Variants in KCNH8 observed in about 807,000 individuals in gnomAD.
The protein encoded by KCNH8 is voltage-gated delayed rectifier potassium channel KCNH8.
A neutral mutation model predicts 103.6 loss-of-function variants in KCNH8; 70 were observed. The ratio of observed to expected loss-of-function variants is 0.68; its 90% CI spans 0.56 to 0.82. The LOEUF is 0.82. KCNH8 is among the 40% of genes least tolerant of loss of function. The pLI, the probability that KCNH8 is intolerant of heterozygous loss-of-function variation, is 0.00. For synonymous variants in KCNH8, 498 were observed against 489.4 expected (o/e 1.02, Z -0.23); for missense variants, 1,217 against 1,329.9 (o/e 0.92, Z 1.32).
At chr3:19,422,669 T>C (rs1031816653) in intron 7 of KCNH8, among the ~76,000 whole-genome samples, 1 of 152,086 alleles carries the variant, frequency 6.6e-6, no homozygotes, top group African/African-American at 2.4e-5. Context: ...AGAAAGACAT[T>C]TTTTATCATT....
At chr3:19,386,879 CG>C (rs1483688805) in intron 5 of KCNH8, among the ~76,000 whole-genome samples, 1 of 152,060 alleles carries the variant, frequency 6.6e-6, no homozygotes, top group Non-Finnish European at 1.5e-5. Flanking sequence ...TCAGTGTTTG[CG>C]AAGTTCCACT....
At chr3:19,217,744 A>C (rs1316977701) in intron 1 of KCNH8, among the ~76,000 whole-genome samples, 4 of 152,146 alleles carry the variant, frequency 2.6e-5, no homozygotes, top group African/African-American at 9.7e-5. Context: ...ATCAGGCTAG[A>C]CCAATCTAGC....
At chr3:19,244,829 T>C (rs2064184238) in intron 1 of KCNH8, among the ~76,000 whole-genome samples, 1 of 152,104 alleles carries the variant, frequency 6.6e-6, no homozygotes, top group African/African-American at 2.4e-5. Flanking sequence ...TTTTTGTTTG[T>C]TGGTTTGTTG....
chr3:19,190,629 G>T (rs1213240239), intron 1 of KCNH8, among the ~76,000 whole-genome samples: 1 of 151,896 alleles, frequency 6.6e-6, no homozygotes, highest in Admixed American at 6.6e-5. Flanking sequence ...TTAGCTGCAT[G>T]GACAAGAAGC....
At chr3:19,321,202 G>A (rs1057187493) in intron 3 of KCNH8, among the ~76,000 whole-genome samples, 3 of 151,648 alleles carry the variant, frequency 2.0e-5, no homozygotes, top group African/African-American at 4.8e-5. Flanking sequence ...CCTGATCTTT[G>A]TTATTTCTTT....
At chr3:19,288,224 A>AGTT (rs2064864160) in intron 3 of KCNH8, among the ~76,000 whole-genome samples, 1 of 43,850 alleles carries the variant, frequency 2.3e-5, no homozygotes, top group African/African-American at 9.2e-5. Flanking sequence ...TATTAAAGCT[A>AGTT]GTTTATTTAT....
chr3:19,401,699 T>G (rs1175166233), intron 7 of KCNH8, among the ~76,000 whole-genome samples: 1 of 152,000 alleles, frequency 6.6e-6, no homozygotes, highest in Non-Finnish European at 1.5e-5. Context: ...CAATAAACTT[T>G]GCTTCTTATA....
intron 5 of KCNH8, among the ~76,000 whole-genome samples, chr3:19,388,032 A>G (rs867651956): frequency 1.6e-4 from 24 of 152,180 alleles, no homozygotes; most frequent in African/African-American, 5.1e-4. Context: ...TCAGTCAACC[A>G]TAGGTCATTC....
intron 12 of KCNH8, among the ~76,000 whole-genome samples, chr3:19,511,085 G>A (rs1366646238): frequency 6.6e-6 from 1 of 152,056 alleles, no homozygotes; most frequent in Non-Finnish European, 1.5e-5. Context: ...CTGGTGGTTT[G>A]CTGCACCCAT....
At chr3:19,514,027 A>C (rs2125243366) in intron 13 of KCNH8, among the ~76,000 whole-genome samples, 1 of 152,198 alleles carries the variant, frequency 6.6e-6, no homozygotes, top group African/African-American at 2.4e-5. Flanking sequence ...TGTTTCATGT[A>C]TTTTGCGAGA....
chr3:19,152,604 ACTTC>A (rs1458894525), intron 1 of KCNH8, among the ~76,000 whole-genome samples: 1 of 152,220 alleles, frequency 6.6e-6, no homozygotes, highest in African/African-American at 2.4e-5. Flanking sequence ...TATTTTATGC[ACTTC>A]TATATAGCCT....
chr3:19,213,501 G>A (rs2063790069), intron 1 of KCNH8, among the ~76,000 whole-genome samples: 1 of 152,084 alleles, frequency 6.6e-6, no homozygotes, highest in South Asian at 2.1e-4. Flanking sequence ...AAAAAACAAA[G>A]CCTTGATTTC....
intron 1 of KCNH8, among the ~76,000 whole-genome samples, chr3:19,237,831 C>T (rs1251366780): frequency 6.6e-6 from 1 of 152,080 alleles, no homozygotes; most frequent in Non-Finnish European, 1.5e-5. Context: ...TGTTTCAAAG[C>T]AATTTTTATC....
chr3:19,258,983 C>G (rs1410084316), intron 2 of KCNH8, among the ~76,000 whole-genome samples: 1 of 65,576 alleles, frequency 1.5e-5, no homozygotes, highest in Non-Finnish European at 3.1e-5. Flanking sequence ...ATATATATAT[C>G]TGGAAATAAT....
At chr3:19,302,038 G>A (rs1431302940) in intron 3 of KCNH8, among the ~76,000 whole-genome samples, 1 of 152,098 alleles carries the variant, frequency 6.6e-6, no homozygotes, top group African/African-American at 2.4e-5. Flanking sequence ...CCAAACTCTT[G>A]CATTTACGGT....
At chr3:19,329,893 C>T (rs2065481339) in intron 3 of KCNH8, among the ~76,000 whole-genome samples, 1 of 151,932 alleles carries the variant, frequency 6.6e-6, no homozygotes. Context: ...CTCTGCACAC[C>T]CGAACTGTTT....
chr3:19,307,774 A>G (rs1224375009), intron 3 of KCNH8, among the ~76,000 whole-genome samples: 1 of 152,038 alleles, frequency 6.6e-6, no homozygotes, highest in African/African-American at 2.4e-5. Context: ...GAAAGACATT[A>G]TGTTAAGTGA....
chr3:19,502,877 C>T (rs1341173779), intron 11 of KCNH8, among the ~76,000 whole-genome samples: 12 of 151,832 alleles, frequency 7.9e-5, no homozygotes, highest in African/African-American at 2.2e-4. Context: ...GCAAGGACTT[C>T]ATGTCTAAAA....
rs1210624478 is a variant in KCNH8, at chr3:19,148,774, G to C, written c.55G>C (p.Ala19Pro). Residue 19 changes from alanine (A) to proline (P), a missense_variant, in exon 1 of 16, where the codon GCC (alanine) becomes CCC (proline). By Grantham distance (27) the Ala-to-Pro change is conservative. Coordinates refer to ENST00000328405, the MANE Select transcript of KCNH8 (RefSeq NM_144633.3). ...APQNTFLDTIATRFDGTHSNF... is the reference protein window; with the variant it reads ...APQNTFLDTIPTRFDGTHSNF... Reference sequence around the variant, plus strand: ...GCAAAACACCTTCCTGGACACCATCGCCACCCGTTTTGACGGAACACGTAA... The same window carrying C: ...GCAAAACACCTTCCTGGACACCATCCCCACCCGTTTTGACGGAACACGTAA... 1 of 1,613,962 alleles carries C rather than the reference G, an allele frequency of 6.2e-7. No homozygotes were observed. The highest frequency in any genetic ancestry group is 8.5e-7 in the Non-Finnish European group (1 of 1,179,966).
Sources: gnomAD v4.1 joint callset for allele counts (sites outside exome capture counted in the v4.1 genomes callset) on GRCh38, gnomAD v4.1.1 for gene constraint, MANE v1.5 for transcripts, NCBI Gene and HGNC (gene_info 2026-07-23, HGNC 2026-07-21) for gene names.